Variants in PTPRT observed in about 807,000 individuals in gnomAD.
The protein encoded by PTPRT is protein tyrosine phosphatase receptor type T.
PTPRT carries 56 observed loss-of-function variants against 176.8 expected under a neutral mutation model. The ratio of observed to expected loss-of-function variants is 0.32; its 90% CI spans 0.26 to 0.40. The LOEUF (loss-of-function observed/expected upper bound fraction) is 0.40. Ranked by LOEUF, PTPRT falls within the 10% of genes least tolerant of loss-of-function variation. PTPRT has a pLI of 1.00. For missense variants in PTPRT, 1,540 were observed against 1,908.2 expected (o/e 0.81, Z 3.60); for synonymous variants, 783 against 739.0 (o/e 1.06, Z -0.96).
chr20:42,616,345 G>C (rs991387507), intron 7 of PTPRT, among the ~76,000 whole-genome samples: 1 of 121,420 alleles, frequency 8.2e-6, no homozygotes, highest in African/African-American at 3.9e-5. Flanking sequence ...CTGTAGCCTT[G>C]TAGTATAGTT....
intron 1 of PTPRT, among the ~76,000 whole-genome samples, chr20:43,027,824 C>T (rs1985978204): frequency 1.3e-5 from 2 of 152,186 alleles, no homozygotes; most frequent in Admixed American, 1.3e-4. Context: ...GCACCGACAG[C>T]ATTGAAGTTG....
intron 9 of PTPRT, among the ~76,000 whole-genome samples, chr20:42,422,347 C>A (rs180789979): frequency 6.0e-4 from 91 of 152,130 alleles, no homozygotes; most frequent in African/African-American, 2.2e-3. Flanking sequence ...GAAACTGAAG[C>A]AAATTTACAA....
intron 15 of PTPRT, among the ~76,000 whole-genome samples, chr20:42,234,662 C>T (rs2056203695): frequency 6.6e-6 from 1 of 152,248 alleles, no homozygotes; most frequent in South Asian, 2.1e-4. Flanking sequence ...CTCAGATAGG[C>T]TTGCATACTG....
intron 6 of PTPRT, among the ~76,000 whole-genome samples, chr20:42,736,811 A>G (rs1206420448): frequency 6.6e-6 from 1 of 151,950 alleles, no homozygotes; most frequent in Non-Finnish European, 1.5e-5. Flanking sequence ...CTAAAAGATG[A>G]GGAGAGATGG....
intron 1 of PTPRT, among the ~76,000 whole-genome samples, chr20:42,933,914 T>C (rs562981441): frequency 4.1e-4 from 62 of 152,310 alleles, no homozygotes; most frequent in African/African-American, 1.4e-3. Context: ...AGCCATACAA[T>C]CATGGTGAAT....
At position 42,108,423 on chromosome 20, in the gene PTPRT, C is replaced by CTCA. The variant is rs963648152; in HGVS notation, c.3255-1505_3255-1503dup. On this transcript the variant is annotated intron_variant, in intron 23 of 30. Transcript: ENST00000373187. ...ATGTTGATAATAATTAAAATACTCA[C>CTCA]TCATCTATAAAATGATGTTGATAAT... 7.9e-5 allele frequency among the ~76,000 whole-genome samples: 12 copies of CTCA among 151,396 alleles called. No homozygotes were observed. In the South Asian group the frequency reaches 1.0e-3, roughly 13 times the overall value.
chr20:42,619,674 G>A (rs1313065009), intron 7 of PTPRT, among the ~76,000 whole-genome samples: 4 of 135,794 alleles, frequency 2.9e-5, no homozygotes, highest in South Asian at 2.3e-4. Flanking sequence ...TTCCCTTCTC[G>A]CTTCATTTCA....
intron 16 of PTPRT, among the ~76,000 whole-genome samples, chr20:42,188,978 A>T (rs2146629325): frequency 6.6e-6 from 1 of 152,336 alleles, no homozygotes; most frequent in South Asian, 2.1e-4. Flanking sequence ...CAAAGAGCAT[A>T]TGAAGCTGGG....
At chr20:43,012,482 G>T (rs903792727) in intron 1 of PTPRT, among the ~76,000 whole-genome samples, 1 of 152,146 alleles carries the variant, frequency 6.6e-6, no homozygotes, top group Non-Finnish European at 1.5e-5. Flanking sequence ...TTCAAAAGAT[G>T]AAAAAGTTTG....
chr20:42,579,311 T>A (rs1323628244), intron 7 of PTPRT, among the ~76,000 whole-genome samples: 1 of 152,132 alleles, frequency 6.6e-6, no homozygotes, highest in African/African-American at 2.4e-5. Flanking sequence ...TCTATCATTG[T>A]TGGACATTTG....
At chr20:42,724,494 A>G (rs888354143) in intron 6 of PTPRT, among the ~76,000 whole-genome samples, 2 of 152,068 alleles carry the variant, frequency 1.3e-5, no homozygotes, top group Non-Finnish European at 2.9e-5. Flanking sequence ...CCCTACCCCA[A>G]AGTTCTTAGT....
chr20:42,204,442 A>AC (rs1275258536), intron 15 of PTPRT, among the ~76,000 whole-genome samples: 1 of 152,158 alleles, frequency 6.6e-6, no homozygotes, highest in Non-Finnish European at 1.5e-5. Flanking sequence ...ATTTTTGCCA[A>AC]CTGGGTCACA....
chr20:42,906,207 A>G (rs1255039311), intron 1 of PTPRT, among the ~76,000 whole-genome samples: 1 of 152,162 alleles, frequency 6.6e-6, no homozygotes, highest in Non-Finnish European at 1.5e-5. Context: ...AAGAAGACAC[A>G]AGTAGCTGGA....
chr20:43,164,749 G>T (rs1461016184), intron 1 of PTPRT, among the ~76,000 whole-genome samples: 3 of 152,176 alleles, frequency 2.0e-5, no homozygotes, highest in Non-Finnish European at 2.9e-5. Context: ...AATGGGCAGG[G>T]CTCTGCTCCA....
intron 21 of PTPRT, among the ~76,000 whole-genome samples, chr20:42,116,847 A>C (rs1353181325): frequency 6.6e-6 from 1 of 152,140 alleles, no homozygotes; most frequent in Admixed American, 6.5e-5. Context: ...CCCAAATCCA[A>C]TTTAGATTTA....
intron 7 of PTPRT, among the ~76,000 whole-genome samples, chr20:42,576,842 C>T (rs1457003504): frequency 6.6e-6 from 1 of 151,928 alleles, no homozygotes; most frequent in Non-Finnish European, 1.5e-5. Flanking sequence ...TACAAGTGTC[C>T]CCTGAGCTCC....
chr20:43,141,690 C>T (rs2014012163), intron 1 of PTPRT, among the ~76,000 whole-genome samples: 2 of 152,160 alleles, frequency 1.3e-5, no homozygotes, highest in South Asian at 4.1e-4. Flanking sequence ...AATTAATGGC[C>T]ATTTTTACAT....
chr20:43,097,172 T>G (rs752655884), intron 1 of PTPRT, among the ~76,000 whole-genome samples: 8 of 152,136 alleles, frequency 5.3e-5, no homozygotes, highest in Non-Finnish European at 1.2e-4. Flanking sequence ...AGCCAGGAAG[T>G]GGAAGTATGG....
rs560609887 is a variant in PTPRT, at chr20:42,696,254, C to G, written c.860-18095G>C. The stretch of plus-strand genomic sequence containing the variant: ...CTCTTTTTTCCTCTATTTCTCTCCT[C>G]CTGTCCCCCTTCCTCCTCCCTCTTC... On this transcript the variant is annotated intron_variant, in intron 6 of 30. Transcript: ENST00000373187. 9.8e-4 allele frequency among the ~76,000 whole-genome samples: 148 copies of G among 151,062 alleles called. 1 individual carries two copies. Among genetic ancestry groups the G allele is most frequent in the Admixed American group, 1.5e-3 (23 of 15,140 alleles).
Sources: gnomAD v4.1 joint callset for allele counts (sites outside exome capture counted in the v4.1 genomes callset) on GRCh38, gnomAD v4.1.1 for gene constraint, MANE v1.5 for transcripts, NCBI Gene and HGNC (gene_info 2026-07-23, HGNC 2026-07-21) for gene names.